The following RANBP2 variants were observed in gnomAD, a reference collection of about 807,000 sequenced individuals.
RANBP2 encodes RAN binding protein 2.
In RANBP2, 57 loss-of-function variants were observed where a neutral mutation model predicts 303.6. That is an observed-to-expected ratio of 0.19 (90% CI 0.15 to 0.23). RANBP2 has a LOEUF of 0.23. RANBP2 is among the 10% of genes least tolerant of loss of function. RANBP2 has a pLI of 1.00. For missense variants in RANBP2, 3,138 were observed against 3,780.8 expected (o/e 0.83, Z 4.46); for synonymous variants, 1,167 against 1,301.5 (o/e 0.90, Z 2.23).
At chr2:108,757,613 G>A (rs1213545506) in intron 17 of RANBP2, among the ~76,000 whole-genome samples, 1 of 152,156 alleles carries the variant, frequency 6.6e-6, no homozygotes, top group African/African-American at 2.4e-5. Flanking sequence ...GTTTCAGCAT[G>A]GGGTTAAGTG....
chr2:108,731,271 A>C, intron 3 of RANBP2, 51 bp from the exon 4 acceptor site: 1 of 1,589,760 alleles, frequency 6.3e-7, no homozygotes, highest in Non-Finnish European at 8.6e-7. Flanking sequence ...ATACTCCTAC[A>C]TACATACATA....
chr2:109,052,290 T>C, the RANBP2 span, among the ~76,000 whole-genome samples: 1 of 152,188 alleles, frequency 6.6e-6, no homozygotes, highest in Non-Finnish European at 1.5e-5. Context: ...GTCCTTCAAA[T>C]TTAAGCTTCA....
the RANBP2 span, chr2:108,846,785 T>A: frequency 6.2e-7 from 1 of 1,612,862 alleles, no homozygotes; most frequent in African/African-American, 1.3e-5. Flanking sequence ...AAGACATTTT[T>A]AAAGGAGTGG....
the RANBP2 span, among the ~76,000 whole-genome samples, chr2:109,689,186 C>T: frequency 3.3e-5 from 5 of 152,076 alleles, no homozygotes; most frequent in African/African-American, 9.7e-5. Flanking sequence ...AGATTACAGG[C>T]GTGAGCCACC....
At chr2:109,568,398 G>C in the RANBP2 span, among the ~76,000 whole-genome samples, 2 of 144,870 alleles carry the variant, frequency 1.4e-5, no homozygotes, top group Non-Finnish European at 3.0e-5. Context: ...TTTTGAGATG[G>C]AGTCTCGCTG....
chr2:109,664,750 T>G, the RANBP2 span, among the ~76,000 whole-genome samples: 1 of 152,088 alleles, frequency 6.6e-6, no homozygotes, highest in Non-Finnish European at 1.5e-5. Context: ...GCTAACATGG[T>G]GAAACCCTAC....
the RANBP2 span, among the ~76,000 whole-genome samples, chr2:108,865,819 G>T: frequency 1.4e-4 from 22 of 152,158 alleles, no homozygotes; most frequent in Non-Finnish European, 2.4e-4. Flanking sequence ...CAGAGGTAGA[G>T]GGCGGGGTGG....
the RANBP2 span, among the ~76,000 whole-genome samples, chr2:109,711,980 A>G: frequency 3.9e-5 from 6 of 152,170 alleles, no homozygotes. Context: ...AATGCAGTGC[A>G]TCCTGCCTGG....
At chr2:109,193,910 C>A in the RANBP2 span, among the ~76,000 whole-genome samples, 4 of 152,212 alleles carry the variant, frequency 2.6e-5, no homozygotes, top group African/African-American at 9.7e-5. Flanking sequence ...GCAAGCCTTG[C>A]CCCAGGTCTC....
chr2:109,213,473 G>A, the RANBP2 span, among the ~76,000 whole-genome samples: 1 of 152,212 alleles, frequency 6.6e-6, no homozygotes, highest in African/African-American at 2.4e-5. Context: ...TCACTGGTGA[G>A]GACGTGGCCC....
chr2:108,779,989 A>G (rs1274753381), intron 25 of RANBP2, among the ~76,000 whole-genome samples: 1 of 152,134 alleles, frequency 6.6e-6, no homozygotes, highest in Non-Finnish European at 1.5e-5. Flanking sequence ...TAAGTTTACA[A>G]AATTTCAAGG....
the RANBP2 span, among the ~76,000 whole-genome samples, chr2:109,679,361 C>T: frequency 9.9e-5 from 15 of 152,050 alleles, no homozygotes; most frequent in Admixed American, 7.2e-4. Flanking sequence ...GTTACAAATG[C>T]GTTTTAGAGA....
the RANBP2 span, among the ~76,000 whole-genome samples, chr2:108,957,878 T>C: frequency 2.8e-4 from 43 of 152,354 alleles, no homozygotes; most frequent in African/African-American, 9.4e-4. Flanking sequence ...TTTTTGATCT[T>C]TATTAATTAT....
the RANBP2 span, chr2:109,449,290 C>T: frequency 7.8e-5 from 125 of 1,609,056 alleles, 1 homozygote; most frequent in Middle Eastern, 3.3e-4. Flanking sequence ...GTGGTGTCCC[C>T]GCAGCACAGC....
chr2:108,948,817 T>C, the RANBP2 span, among the ~76,000 whole-genome samples: 13 of 152,224 alleles, frequency 8.5e-5, 1 homozygote, highest in East Asian at 2.1e-3. Flanking sequence ...CAAATCATCA[T>C]ATACTAAAAA....
chr2:109,259,527 C>T, the RANBP2 span, among the ~76,000 whole-genome samples: 1 of 152,180 alleles, frequency 6.6e-6, no homozygotes, highest in Non-Finnish European at 1.5e-5. Context: ...TCTCCGGGGC[C>T]CTTCATGCCT....
the RANBP2 span, among the ~76,000 whole-genome samples, chr2:109,663,149 C>T: frequency 3.5e-4 from 53 of 152,334 alleles, no homozygotes; most frequent in African/African-American, 1.3e-3. Flanking sequence ...CTCCCTCTAC[C>T]TGAAATGCTC....
chr2:109,246,920 C>G, the RANBP2 span, among the ~76,000 whole-genome samples: 1 of 152,188 alleles, frequency 6.6e-6, no homozygotes, highest in Non-Finnish European at 1.5e-5. Context: ...GGGCTCCAGG[C>G]CAATGCTGCA....
At chr2:109,748,648 G>A in the RANBP2 span, among the ~76,000 whole-genome samples, 1 of 138,778 alleles carries the variant, frequency 7.2e-6, no homozygotes, top group Non-Finnish European at 1.6e-5. Flanking sequence ...CGAGGCGGGC[G>A]GATTACCTGA....
Sources: allele counts gnomAD v4.1 joint callset (sites outside exome capture counted in the v4.1 genomes callset), GRCh38; gene constraint gnomAD v4.1.1; transcripts MANE v1.5; gene names NCBI Gene and HGNC (gene_info 2026-07-23, HGNC 2026-07-21).